Variants in LYPD6B observed in about 807,000 individuals in gnomAD.
LYPD6B encodes ly6/PLAUR domain-containing protein 6B.
In LYPD6B, 17 loss-of-function variants were observed where a neutral mutation model predicts 22.8. The observed-to-expected ratio is 0.75, with a 90% CI of 0.51 to 1.12. The LOEUF (loss-of-function observed/expected upper bound fraction) is 1.12. LYPD6B is among the 50% of genes most tolerant of loss of function. LYPD6B has a pLI of 0.00. For synonymous variants in LYPD6B, 106 were observed against 91.6 expected (o/e 1.16, Z -0.90); for missense variants, 221 against 258.3 (o/e 0.86, Z 0.99).
At chr2:149,209,061 A>G (rs1432460693) in intron 5 of LYPD6B, among the ~76,000 whole-genome samples, 2 of 152,118 alleles carry the variant, frequency 1.3e-5, no homozygotes, top group Non-Finnish European at 2.9e-5. Flanking sequence ...AATGAACAGG[A>G]AGGAGACTGG....
chr2:149,071,883 G>A (rs1320159764), intron 1 of LYPD6B, among the ~76,000 whole-genome samples: 2 of 152,158 alleles, frequency 1.3e-5, no homozygotes, highest in South Asian at 4.1e-4. Context: ...GGGCATAATG[G>A]CATTGGTTGT....
intron 1 of LYPD6B, among the ~76,000 whole-genome samples, chr2:149,102,560 G>A (rs1052136568): frequency 3.3e-5 from 5 of 152,152 alleles, no homozygotes. Context: ...AGATGTAGGA[G>A]GGAGGGCAGC....
chr2:149,212,237 C>T (rs1190846095), intron 5 of LYPD6B, among the ~76,000 whole-genome samples: 1 of 151,138 alleles, frequency 6.6e-6, no homozygotes, highest in Non-Finnish European at 1.5e-5. Flanking sequence ...AAAAAATTAG[C>T]CAGGCGTGGT....
intron 1 of LYPD6B, among the ~76,000 whole-genome samples, chr2:149,118,437 G>A (rs1687115944): frequency 6.6e-6 from 1 of 152,188 alleles, no homozygotes; most frequent in Non-Finnish European, 1.5e-5. Context: ...CTATTTGCTC[G>A]AGTAAGGCTC....
At chr2:149,194,859 C>A (rs1255965911) in intron 3 of LYPD6B, among the ~76,000 whole-genome samples, 2 of 152,174 alleles carry the variant, frequency 1.3e-5, no homozygotes, top group Non-Finnish European at 2.9e-5. Context: ...TTCCCTTTCA[C>A]CGACTGGGAT....
intron 5 of LYPD6B, among the ~76,000 whole-genome samples, chr2:149,212,294 A>G (rs2106182070): frequency 7.3e-6 from 1 of 136,242 alleles, no homozygotes; most frequent in South Asian, 2.6e-4. Context: ...AGGAAGGAGA[A>G]TGGTGTGAAC....
intron 1 of LYPD6B, among the ~76,000 whole-genome samples, chr2:149,078,750 T>C (rs1327018212): frequency 6.6e-6 from 1 of 152,214 alleles, no homozygotes; most frequent in Non-Finnish European, 1.5e-5. Flanking sequence ...CTCATGCCTG[T>C]AGTCCCAGCA....
At chr2:149,074,708 GT>G (rs1684800750) in intron 1 of LYPD6B, among the ~76,000 whole-genome samples, 1 of 152,230 alleles carries the variant, frequency 6.6e-6, no homozygotes, top group African/African-American at 2.4e-5. Flanking sequence ...GAACTAAGTG[GT>G]TTCTCTGGGC....
intron 1 of LYPD6B, among the ~76,000 whole-genome samples, chr2:149,120,782 G>GTTTT (rs1559010612): frequency 2.3e-5 from 2 of 85,828 alleles, no homozygotes; most frequent in Non-Finnish European, 4.3e-5. Flanking sequence ...ATGCTACAAA[G>GTTTT]TCTTTTTTTT....
intron 1 of LYPD6B, among the ~76,000 whole-genome samples, chr2:149,098,491 G>C (rs6727646): frequency 0.28 from 41,789 of 151,610 alleles, 6,119 homozygotes; most frequent in East Asian, 0.53. Context: ...GCTGGGTGTG[G>C]TGGCAGGCGC....
At chr2:149,181,521 C>T (rs1655401432) in intron 3 of LYPD6B, among the ~76,000 whole-genome samples, 1 of 152,148 alleles carries the variant, frequency 6.6e-6, no homozygotes, top group Non-Finnish European at 1.5e-5. Flanking sequence ...AGACTCTTTG[C>T]CTCCCACCTT....
At chr2:149,075,342 T>G (rs1218148331) in intron 1 of LYPD6B, among the ~76,000 whole-genome samples, 1 of 149,480 alleles carries the variant, frequency 6.7e-6, no homozygotes, top group Admixed American at 6.7e-5. Flanking sequence ...AAGTGTAGAT[T>G]GACTGTTTCT....
At chr2:149,059,740 A>G (rs6729969) in intron 1 of LYPD6B, among the ~76,000 whole-genome samples, 81,735 of 152,068 alleles carry the variant, frequency 0.54, 23,058 homozygotes, top group Non-Finnish European at 0.61. Context: ...CTTTCATCCT[A>G]CTCAGACAAG....
chr2:149,113,563 A>G (rs995044631), intron 1 of LYPD6B, among the ~76,000 whole-genome samples: 5 of 152,214 alleles, frequency 3.3e-5, no homozygotes. Flanking sequence ...AACAATATTA[A>G]GTGAAATACA....
intron 3 of LYPD6B, among the ~76,000 whole-genome samples, chr2:149,193,353 G>A (rs906727713): frequency 6.6e-6 from 1 of 152,084 alleles, no homozygotes; most frequent in African/African-American, 2.4e-5. Flanking sequence ...AGCTAAAAGG[G>A]GCTATTTTAG....
intron 3 of LYPD6B, among the ~76,000 whole-genome samples, chr2:149,198,263 C>T (rs1184408121): frequency 6.6e-6 from 1 of 151,980 alleles, no homozygotes; most frequent in African/African-American, 2.4e-5. Flanking sequence ...AGGCTGGTCT[C>T]GAACTCTTGA....
chr2:149,195,596 T>A (rs908733080), intron 3 of LYPD6B, among the ~76,000 whole-genome samples: 2 of 152,214 alleles, frequency 1.3e-5, no homozygotes, highest in African/African-American at 2.4e-5. Flanking sequence ...AGAGGAATTT[T>A]ACATTCTGCT....
At chr2:149,139,283 G>A (rs528765182) in intron 2 of LYPD6B, among the ~76,000 whole-genome samples, 4 of 152,290 alleles carry the variant, frequency 2.6e-5, no homozygotes, top group African/African-American at 9.6e-5. Flanking sequence ...GCAATAGAAA[G>A]GGGGCAGCTC....
intron 2 of LYPD6B, among the ~76,000 whole-genome samples, chr2:149,150,144 G>A (rs1689279266): frequency 6.6e-6 from 1 of 152,212 alleles, no homozygotes; most frequent in South Asian, 2.1e-4. Context: ...ATTATTGACT[G>A]AGCATATGTA....
Sources: allele counts gnomAD v4.1 joint callset (sites outside exome capture counted in the v4.1 genomes callset), GRCh38; gene constraint gnomAD v4.1.1; transcripts MANE v1.5; gene names NCBI Gene and HGNC (gene_info 2026-07-23, HGNC 2026-07-21).